Variants in NRXN3 observed in about 807,000 individuals in gnomAD.
NRXN3 encodes neurexin 3.
NRXN3 carries 32 observed loss-of-function variants against 137.6 expected under a neutral mutation model. That is an observed-to-expected ratio of 0.23 (90% CI 0.18 to 0.31). The LOEUF (loss-of-function observed/expected upper bound fraction) is 0.31. Ranked by LOEUF, NRXN3 falls within the 10% of genes least tolerant of loss-of-function variation. NRXN3 has a pLI of 1.00. For synonymous variants in NRXN3, 798 were observed against 784.5 expected (o/e 1.02, Z -0.29); for missense variants, 1,574 against 2,062.5 (o/e 0.76, Z 4.59).
At chr14:79,152,071 C>T (rs527737804) in intron 15 of NRXN3, among the ~76,000 whole-genome samples, 1 of 152,066 alleles carries the variant, frequency 6.6e-6, no homozygotes, top group East Asian at 2.0e-4. Context: ...ATATTGTGTA[C>T]TTGGGTCTAT....
At chr14:79,029,313 A>G (rs940939482) in intron 15 of NRXN3, among the ~76,000 whole-genome samples, 3 of 152,070 alleles carry the variant, frequency 2.0e-5, no homozygotes, top group Non-Finnish European at 2.9e-5. Context: ...TTCAATAATA[A>G]TAATACTGGT....
At chr14:78,483,290 G>A (rs2095503493) in intron 4 of NRXN3, among the ~76,000 whole-genome samples, 1 of 152,282 alleles carries the variant, frequency 6.6e-6, no homozygotes, top group African/African-American at 2.4e-5. Context: ...CTGTTAATCT[G>A]CTGTTCAACT....
intron 15 of NRXN3, chr14:79,280,272 A>T (rs373480453): frequency 2.5e-6 from 4 of 1,613,570 alleles, no homozygotes; most frequent in Non-Finnish European, 3.4e-6. Flanking sequence ...GCCCATCTGT[A>T]GTGGTCCCGT....
intron 4 of NRXN3, among the ~76,000 whole-genome samples, chr14:78,379,233 A>C (rs1422395537): frequency 6.6e-6 from 1 of 152,206 alleles, no homozygotes; most frequent in Non-Finnish European, 1.5e-5. Flanking sequence ...TAGAAAATAG[A>C]AAAGGAGAAA....
chr14:78,243,460 C>T lies in NRXN3; in HGVS notation c.367C>T (p.Leu123=). 6.3e-7 allele frequency: 1 copy of T among 1,581,550 alleles called. No individual in the cohort carries two copies. The highest frequency in any genetic ancestry group is 8.5e-7 in the Non-Finnish European group (1 of 1,171,500). The change falls in exon 2 of 21, where the codon CTG becomes TTG. Residue 123 remains leucine, a synonymous_variant. Transcript: ENST00000335750. The surrounding 1 kb of genome is among the most constrained non-coding windows in gnomAD (Gnocchi z 4.2). ...GAGCCGTGACCGCCTGCGCACGGTGCTGATGCTTGATGGCGAGGGCCAGTC... is the reference window on the plus strand; with the variant it reads ...GAGCCGTGACCGCCTGCGCACGGTGTTGATGCTTGATGGCGAGGGCCAGTC... ...MVSRDRLRTV[L]MLDGEGQSGE...
At chr14:79,506,228 CT>C (rs1367115494) in intron 16 of NRXN3, among the ~76,000 whole-genome samples, 2 of 152,134 alleles carry the variant, frequency 1.3e-5, no homozygotes, top group Non-Finnish European at 2.9e-5. Context: ...AAAAGAATGA[CT>C]ACCAAGAAGC....
At position 78,845,807 on chromosome 14, in the gene NRXN3, T is replaced by C. The variant is rs191436269; in HGVS notation, c.2275+35463T>C. ...TTTTATCTGATCTATAGAAAAAATA[T>C]TATTTTCATATCTTCATATGTTTTT... On this transcript the variant is annotated intron_variant, in intron 10 of 20. Coordinates refer to ENST00000335750, the MANE Select transcript of NRXN3 (RefSeq NM_001330195.2). Among the ~76,000 whole-genome samples, 253 of 152,130 alleles carry C rather than the reference T, an allele frequency of 1.7e-3. 1 individual carries two copies. The highest frequency in any genetic ancestry group is 5.5e-3 in the African/African-American group (228 of 41,520).
chr14:79,375,235 GTTTTTT>G (rs35994648), intron 15 of NRXN3, among the ~76,000 whole-genome samples: 1 of 129,984 alleles, frequency 7.7e-6, no homozygotes, highest in African/African-American at 2.9e-5. Flanking sequence ...GAGTTTTTGT[GTTTTTT>G]TTTTTTTTTT....
intron 17 of NRXN3, among the ~76,000 whole-genome samples, chr14:79,689,184 T>G (rs1218933920): frequency 6.6e-6 from 1 of 152,152 alleles, no homozygotes; most frequent in East Asian, 1.9e-4. Context: ...TCACTCTTTG[T>G]TTAAATGTAC....
intron 10 of NRXN3, among the ~76,000 whole-genome samples, chr14:78,843,380 A>G (rs1025054696): frequency 1.3e-5 from 2 of 152,156 alleles, no homozygotes; most frequent in Admixed American, 6.6e-5. Flanking sequence ...ACTTGTTATT[A>G]TAATACAATA....
chr14:78,214,530 C>A (rs1308366998), intron 1 of NRXN3, among the ~76,000 whole-genome samples: 1 of 152,176 alleles, frequency 6.6e-6, no homozygotes, highest in Non-Finnish European at 1.5e-5. Flanking sequence ...ATCATTGTGC[C>A]TCCATGCCGG....
rs112870139 is a variant in NRXN3, at chr14:79,854,995, C to T, written c.4094-6347C>T. 4.7e-3 allele frequency among the ~76,000 whole-genome samples: 723 copies of T among 152,288 alleles called. 13 individuals carry two copies. The highest frequency in any genetic ancestry group is 0.016 in the African/African-American group (685 of 41,576). ...CAACTGGCAAAAACACAGACACACA[C>T]AGAAGGCACACACACATTCTCTCTC... On this transcript the variant is annotated intron_variant, in intron 20 of 20. Transcript: ENST00000335750.
At chr14:78,448,996 C>T (rs2094488994) in intron 4 of NRXN3, among the ~76,000 whole-genome samples, 2 of 152,164 alleles carry the variant, frequency 1.3e-5, no homozygotes, top group Admixed American at 6.5e-5. Flanking sequence ...AATCTCCCCA[C>T]CCTGGGCGCG....
At chr14:78,965,882 A>G (rs2099416519) in intron 11 of NRXN3, 143 bp from the exon 12 acceptor site, 2 of 882,876 alleles carry the variant, frequency 2.3e-6, no homozygotes, top group African/African-American at 1.7e-5. Flanking sequence ...TATCTACCAT[A>G]TTGAATATTT....
intron 6 of NRXN3, among the ~76,000 whole-genome samples, chr14:78,653,467 C>T (rs1163506734): frequency 2.0e-5 from 3 of 152,078 alleles, no homozygotes; most frequent in African/African-American, 7.2e-5. Flanking sequence ...GTGCAACAGT[C>T]CTGAGCATGG....
chr14:79,466,991 C>A (rs534902150), intron 15 of NRXN3, among the ~76,000 whole-genome samples: 1 of 152,162 alleles, frequency 6.6e-6, no homozygotes, highest in Non-Finnish European at 1.5e-5. Flanking sequence ...ATGTTAAGAA[C>A]GACTCTTACC....
chr14:79,308,685 G>A (rs769896469), intron 15 of NRXN3, among the ~76,000 whole-genome samples: 1 of 151,964 alleles, frequency 6.6e-6, no homozygotes, highest in Non-Finnish European at 1.5e-5. Context: ...CTGAGAACCA[G>A]ATGGAAGCTA....
intron 20 of NRXN3, chr14:79,854,231 A>G (rs1053737849): frequency 1.3e-5 from 11 of 821,666 alleles, no homozygotes; most frequent in Non-Finnish European, 1.5e-5. Context: ...AGTTGACTAT[A>G]AATTAATATG....
intron 4 of NRXN3, among the ~76,000 whole-genome samples, chr14:78,452,119 T>A (rs2094566905): frequency 6.6e-6 from 1 of 152,212 alleles, no homozygotes; most frequent in South Asian, 2.1e-4. Flanking sequence ...ATGTGCATAA[T>A]CTGAGTTAAT....
Sources: allele counts gnomAD v4.1 joint callset (sites outside exome capture counted in the v4.1 genomes callset), GRCh38; gene constraint gnomAD v4.1.1; non-coding constraint Gnocchi (gnomAD v3.1); transcripts MANE v1.5; gene names NCBI Gene and HGNC (gene_info 2026-07-23, HGNC 2026-07-21).